ESR2: variants seen among roughly 807,000 people sequenced by gnomAD.
The protein encoded by ESR2 is estrogen receptor 2.
Under a neutral mutation model 49.6 loss-of-function variants are expected in ESR2, and 36 were observed. The ratio of observed to expected loss-of-function variants is 0.73; its 90% CI spans 0.56 to 0.96. The LOEUF (loss-of-function observed/expected upper bound fraction) is 0.96. ESR2 is among the 40% of genes least tolerant of loss of function. The pLI, the probability that ESR2 is intolerant of heterozygous loss-of-function variation, is 0.00. For missense variants in ESR2, 714 were observed against 693.0 expected (o/e 1.03, Z -0.34); for synonymous variants, 320 against 266.1 (o/e 1.20, Z -1.97).
At chr14:64,234,658 G>C in intron 8 of ESR2, 1 of 488,986 alleles carries the variant, frequency 2.0e-6, no homozygotes, top group South Asian at 4.5e-5. Flanking sequence ...TGTAAACAGG[G>C]GTGGCAGTTC....
intron 1 of ESR2, among the ~76,000 whole-genome samples, chr14:64,331,822 CAAA>C (rs368932180): frequency 1.9e-5 from 1 of 52,416 alleles, no homozygotes. Context: ...GACTCCATCT[CAAA>C]AAAAAAAAAA....
At chr14:64,279,904 T>C in intron 3 of ESR2, 77 bp downstream of exon 3, 4 of 1,220,008 alleles carry the variant, frequency 3.3e-6, no homozygotes, top group Admixed American at 3.5e-5. Context: ...TAGTGACATT[T>C]CTGCCAAGTC....
intron 8 of ESR2, chr14:64,234,733 A>G: frequency 1.1e-6 from 1 of 891,744 alleles, no homozygotes. Flanking sequence ...AGCAATTGAA[A>G]AACCCATGAG....
intron 1 of ESR2, chr14:64,336,763 G>A (rs900842530): frequency 4.6e-5 from 7 of 152,130 alleles, no homozygotes; most frequent in Non-Finnish European, 8.8e-5. Flanking sequence ...CCAAACTTAT[G>A]ATTGTACCCC....
At chr14:64,233,578 A>C (rs2140609206) in intron 8 of ESR2, 2 of 452,878 alleles carry the variant, frequency 4.4e-6, no homozygotes, top group East Asian at 3.3e-5. Context: ...ATCAATCCTC[A>C]TTGTTTGCGG....
chr14:64,280,402 G>A (rs1198419821), intron 2 of ESR2, among the ~76,000 whole-genome samples: 1 of 152,204 alleles, frequency 6.6e-6, no homozygotes, highest in Non-Finnish European at 1.5e-5. Flanking sequence ...TCCACGTGAT[G>A]CTGATGAGCA....
chr14:64,321,488 G>A (rs2077323827), intron 1 of ESR2, among the ~76,000 whole-genome samples: 1 of 152,098 alleles, frequency 6.6e-6, no homozygotes, highest in Admixed American at 6.6e-5. Flanking sequence ...CAAAATGATA[G>A]ACATAAACAC....
At chr14:64,280,688 T>C (rs1231600555) in intron 2 of ESR2, among the ~76,000 whole-genome samples, 1 of 152,208 alleles carries the variant, frequency 6.6e-6, no homozygotes, top group Non-Finnish European at 1.5e-5. Flanking sequence ...TCTCACACTC[T>C]GCAATTTCAG....
intron 7 of ESR2, among the ~76,000 whole-genome samples, chr14:64,235,643 C>G (rs1391024023): frequency 2.0e-5 from 3 of 152,198 alleles, no homozygotes; most frequent in Admixed American, 6.5e-5. Flanking sequence ...GGCAGGGCCC[C>G]TGCTACCACC....
chr14:64,281,501 C>T (rs957333049), intron 2 of ESR2, among the ~76,000 whole-genome samples: 1 of 151,382 alleles, frequency 6.6e-6, no homozygotes, highest in African/African-American at 2.4e-5. Flanking sequence ...TGTTTATATT[C>T]TCTTTACCAA....
At chr14:64,247,513 A>G (rs1285216194) in intron 7 of ESR2, among the ~76,000 whole-genome samples, 1 of 152,226 alleles carries the variant, frequency 6.6e-6, no homozygotes, top group Non-Finnish European at 1.5e-5. Context: ...CCGTAGTATA[A>G]TATGATCTGA....
At chr14:64,249,511 C>T (rs550916443) in intron 7 of ESR2, 35 bp downstream of exon 7, 31 of 1,604,118 alleles carry the variant, frequency 1.9e-5, no homozygotes, top group Non-Finnish European at 2.6e-5. Flanking sequence ...GCATCTCTCC[C>T]CGATAAAACA....
At chr14:64,273,872 GTTC>G (rs1306703250) in intron 3 of ESR2, among the ~76,000 whole-genome samples, 1 of 150,182 alleles carries the variant, frequency 6.7e-6, no homozygotes, top group Non-Finnish European at 1.5e-5. Context: ...ATTGGCATTA[GTTC>G]TTCTTTAAAT....
chr14:64,242,835 C>A (rs1172401876), intron 7 of ESR2, among the ~76,000 whole-genome samples: 5 of 89,974 alleles, frequency 5.6e-5, no homozygotes, highest in Admixed American at 3.8e-4. Context: ...CAAGACTGGG[C>A]AATATACAAA....
At chr14:64,238,549 A>T (rs1164583086) in intron 7 of ESR2, among the ~76,000 whole-genome samples, 1 of 152,082 alleles carries the variant, frequency 6.6e-6, no homozygotes, top group Non-Finnish European at 1.5e-5. Flanking sequence ...GCCCTTGCTC[A>T]TCAAATACAT....
chr14:64,305,042 G>A (rs1489959135), intron 1 of ESR2, among the ~76,000 whole-genome samples: 1 of 152,192 alleles, frequency 6.6e-6, no homozygotes, highest in African/African-American at 2.4e-5. Flanking sequence ...TGTAATCCCA[G>A]CTCTTTGGGA....
Position 64,229,176 on chromosome 14 carries a change from G to C in ESR2, c.*3961C>G, listed in dbSNP as rs1256575100. Among the ~76,000 whole-genome samples the C allele has an allele frequency of 6.6e-6, 1 of 152,080 alleles. No individual in the cohort carries two copies. The highest frequency in any genetic ancestry group is 1.5e-5 in the Non-Finnish European group (1 of 68,004). On this transcript the variant is annotated 3_prime_UTR_variant, in exon 9 of 9. Transcript: ENST00000341099. ...CTGTCATTGCTGCTGTTGTGTAAAG[G>C]CTCATGCAGACCCATCTAAGCTGAG...
intron 1 of ESR2, among the ~76,000 whole-genome samples, chr14:64,302,477 G>A (rs571761869): frequency 2.8e-4 from 42 of 152,000 alleles, no homozygotes; most frequent in African/African-American, 9.6e-4. Context: ...GTGAGGCACC[G>A]CGCCCGGCCT....
chr14:64,272,044 C>G (rs1321418315), intron 3 of ESR2, among the ~76,000 whole-genome samples: 2 of 152,190 alleles, frequency 1.3e-5, no homozygotes, highest in African/African-American at 4.8e-5. Flanking sequence ...GTTCCCTTTT[C>G]TCTACATCCT....
Sources: allele counts gnomAD v4.1 joint callset (sites outside exome capture counted in the v4.1 genomes callset), GRCh38; gene constraint gnomAD v4.1.1; transcripts MANE v1.5; gene names NCBI Gene and HGNC (gene_info 2026-07-23, HGNC 2026-07-21).